The following USP32 variants were observed in gnomAD, a reference collection of about 807,000 sequenced individuals.
The protein encoded by USP32 is ubiquitin carboxyl-terminal hydrolase 32.
In USP32, 59 loss-of-function variants were observed where a neutral mutation model predicts 204.8. The observed-to-expected ratio is 0.29, with a 90% confidence interval of 0.23 to 0.36. The LOEUF is 0.36. Ranked by LOEUF, USP32 falls within the 10% of genes least tolerant of loss-of-function variation. The probability of loss-of-function intolerance (pLI) is 1.00; values close to 1 mark genes in which losing one functional copy is unlikely to be tolerated. For missense variants in USP32, 1,160 were observed against 1,946.4 expected (o/e 0.60, Z 7.60); for synonymous variants, 517 against 678.4 (o/e 0.76, Z 3.70).
chr17:60,329,586 G>C (rs1218596127), intron 2 of USP32, among the ~76,000 whole-genome samples: 1 of 151,900 alleles, frequency 6.6e-6, no homozygotes, highest in Non-Finnish European at 1.5e-5. Flanking sequence ...TAGGATACAG[G>C]CATAAGCCAC....
intron 1 of USP32, among the ~76,000 whole-genome samples, chr17:60,401,479 T>C (rs2089934901): frequency 6.6e-6 from 1 of 152,168 alleles, no homozygotes; most frequent in Non-Finnish European, 1.5e-5. Context: ...TTACTGTAAT[T>C]TGGGGGCTAT....
At chr17:60,384,011 A>G (rs2089688443) in intron 1 of USP32, among the ~76,000 whole-genome samples, 1 of 152,236 alleles carries the variant, frequency 6.6e-6, no homozygotes, top group Non-Finnish European at 1.5e-5. Context: ...AGTGGAGGCA[A>G]TTAAGCAGAA....
chr17:60,189,884 GAC>G (rs2084334778), intron 29 of USP32, among the ~76,000 whole-genome samples: 1 of 152,214 alleles, frequency 6.6e-6, no homozygotes, highest in African/African-American at 2.4e-5. Flanking sequence ...GTCATGGCCA[GAC>G]ACAGTTTTGT....
intron 2 of USP32, among the ~76,000 whole-genome samples, chr17:60,308,397 T>G (rs2145911195): frequency 6.6e-6 from 1 of 152,226 alleles, no homozygotes; most frequent in Middle Eastern, 3.4e-3. Flanking sequence ...AGCAGGGCAC[T>G]GAAGAAGGGA....
At chr17:60,385,554 T>TA (rs1352629947) in intron 1 of USP32, among the ~76,000 whole-genome samples, 1 of 149,966 alleles carries the variant, frequency 6.7e-6, no homozygotes, top group Non-Finnish European at 1.5e-5. Flanking sequence ...CAAAAATAAA[T>TA]AAATAGGCCA....
At chr17:60,379,576 T>C (rs1023857789) in intron 1 of USP32, among the ~76,000 whole-genome samples, 1 of 152,182 alleles carries the variant, frequency 6.6e-6, no homozygotes, top group African/African-American at 2.4e-5. Flanking sequence ...TCTTCTAAAT[T>C]ACAGTGTAAC....
At chr17:60,270,162 G>A (rs1483463213) in intron 6 of USP32, among the ~76,000 whole-genome samples, 9 of 151,874 alleles carry the variant, frequency 5.9e-5, no homozygotes, top group South Asian at 2.1e-4. Context: ...CAAACATTTC[G>A]TAAAAAAAAG....
intron 1 of USP32, among the ~76,000 whole-genome samples, chr17:60,367,505 A>G (rs970206117): frequency 3.3e-5 from 5 of 152,092 alleles, no homozygotes; most frequent in Admixed American, 2.0e-4. Context: ...GTGTCTCACA[A>G]AACAGAAAGA....
rs1339136359 is a variant in USP32, at chr17:60,179,165, G to A, written c.*90C>T. ...CCACAGGATAAAATAACTACATTTA[G>A]CTTGCCTTTCAGTGACGCTTTTGCC... On this transcript the variant is annotated 3_prime_UTR_variant, in exon 34 of 34. Transcript: ENST00000300896. 4.3e-6 allele frequency: 6 copies of A among 1,411,108 alleles called. No individual in the cohort carries two copies. The highest frequency in any genetic ancestry group is 4.8e-6 in the Non-Finnish European group (5 of 1,040,872). The allele number at this position is 1,411,108 out of a possible 1,614,324, so 87.4% of individuals were successfully genotyped here. A position where few individuals can be genotyped will look rare whatever the true frequency, so the allele number is the denominator to read the frequency against.
At chr17:60,347,905 G>A (rs2088828847) in intron 1 of USP32, among the ~76,000 whole-genome samples, 2 of 151,468 alleles carry the variant, frequency 1.3e-5, no homozygotes, top group Non-Finnish European at 3.0e-5. Context: ...GGCGGATCAC[G>A]AGGTCAGGAG....
intron 11 of USP32, among the ~76,000 whole-genome samples, chr17:60,249,921 C>T (rs2086124997): frequency 7.4e-6 from 1 of 134,280 alleles, no homozygotes; most frequent in South Asian, 2.4e-4. Flanking sequence ...TGCATATGAA[C>T]CAACCTGAAT....
chr17:60,179,562 C>G, intron 33 of USP32, 134 bp from the exon 34 acceptor site: 2 of 1,112,348 alleles, frequency 1.8e-6, no homozygotes, highest in Non-Finnish European at 2.6e-6. Context: ...GTTTGGCTGT[C>G]TCACACCTGC....
At chr17:60,379,652 C>T (rs972144789) in intron 1 of USP32, among the ~76,000 whole-genome samples, 13 of 152,212 alleles carry the variant, frequency 8.5e-5, no homozygotes, top group African/African-American at 3.1e-4. Context: ...GTGCAGTCCT[C>T]TGAGACCTGT....
At chr17:60,361,778 A>G (rs977836051) in intron 1 of USP32, among the ~76,000 whole-genome samples, 5 of 152,138 alleles carry the variant, frequency 3.3e-5, no homozygotes, top group African/African-American at 1.2e-4. Flanking sequence ...TAAATCTGGC[A>G]CCCTGCTATT....
intron 1 of USP32, among the ~76,000 whole-genome samples, chr17:60,369,840 T>C (rs2089403005): frequency 6.6e-6 from 1 of 151,974 alleles, no homozygotes; most frequent in Non-Finnish European, 1.5e-5. Context: ...CTGGCTCAAG[T>C]GATTCTCCTG....
chr17:60,325,972 CAAA>C (rs374347100), intron 2 of USP32, among the ~76,000 whole-genome samples: 2 of 58,272 alleles, frequency 3.4e-5, no homozygotes, highest in Admixed American at 1.8e-4. Context: ...GACTCTGTCT[CAAA>C]AAAAAAAAAA....
intron 4 of USP32, among the ~76,000 whole-genome samples, chr17:60,293,361 A>C (rs2145865650): frequency 6.6e-6 from 1 of 152,328 alleles, no homozygotes; most frequent in Admixed American, 6.5e-5. Context: ...CTATGTCAAA[A>C]ATCCAATCAG....
intron 28 of USP32, 58 bp downstream of exon 28, chr17:60,192,786 C>G: frequency 1.3e-6 from 2 of 1,580,748 alleles, no homozygotes; most frequent in Non-Finnish European, 1.7e-6. Context: ...CTTATGAAAA[C>G]TGTATAATAT....
intron 11 of USP32, among the ~76,000 whole-genome samples, chr17:60,244,860 G>A (rs1262850995): frequency 2.0e-5 from 3 of 152,174 alleles, no homozygotes; most frequent in Non-Finnish European, 4.4e-5. Flanking sequence ...TCGAACTCCT[G>A]GCTTCAAGAG....
Sources: gnomAD v4.1 joint callset for allele counts (sites outside exome capture counted in the v4.1 genomes callset) on GRCh38, gnomAD v4.1.1 for gene constraint, MANE v1.5 for transcripts, NCBI Gene and HGNC (gene_info 2026-07-23, HGNC 2026-07-21) for gene names.